SAMSN1: variants seen among roughly 807,000 people sequenced by gnomAD.
SAMSN1 encodes the protein SAM domain-containing protein SAMSN-1.
SAMSN1 carries 31 observed loss-of-function variants against 42.0 expected under a neutral mutation model. The observed-to-expected ratio is 0.74, with a 90% CI of 0.55 to 1.00. The LOEUF is 1.00. SAMSN1 is among the 50% of genes least tolerant of loss of function. SAMSN1 has a pLI of 0.00. For missense variants in SAMSN1, 464 were observed against 439.4 expected, an observed-to-expected ratio of 1.06 and a Z score of -0.50; for synonymous variants, 178 against 151.9, an observed-to-expected ratio of 1.17 and a Z score of -1.26.
At chr21:14,656,510 G>A (rs1983919469) in intron 1 of SAMSN1, among the ~76,000 whole-genome samples, 1 of 151,678 alleles carries the variant, frequency 6.6e-6, no homozygotes, top group South Asian at 2.1e-4. Flanking sequence ...AGCTCAACAA[G>A]AAAAATCACT....
At position 14,609,444 on chromosome 21, in the gene SAMSN1, G is replaced by C. The variant is rs908829198; in HGVS notation, c.322+38C>G. ...TTACCTGCCCTTTAAACTACTTTGG[G>C]AAAATGCAAAGTCAGCTGAACTAAA... On this transcript the variant is annotated intron_variant, in intron 5 of 15. Coordinates refer to the SAMSN1 transcript ENST00000647101. 7.0e-6 allele frequency: 5 copies of C among 716,866 alleles called. No homozygotes were observed. In the African/African-American group the frequency reaches 8.7e-5, roughly 13 times the overall value. The allele number at this position is 716,866 out of a possible 1,614,324, so 44.4% of individuals were successfully genotyped here.
At position 14,510,292 on chromosome 21, in the gene SAMSN1, G is replaced by A. The variant is rs766545727; in HGVS notation, c.561+18C>T. 248 of 1,612,692 alleles carry A rather than the reference G, an allele frequency of 1.5e-4. No homozygotes were observed. Among genetic ancestry groups the A allele is most frequent in the Non-Finnish European group, 2.0e-4 (234 of 1,178,822 alleles). ...ATTTGACAGACCATTCAGAAGGTGG[G>A]ATATGATGTCCTCTCACCTTGATTT... On this transcript the variant is annotated intron_variant, in intron 5 of 7. Coordinates refer to ENST00000400566, the MANE Select transcript of SAMSN1 (RefSeq NM_022136.5).
At chr21:14,658,529 T>TAAA (rs1983950907) in intron 1 of SAMSN1, among the ~76,000 whole-genome samples, 1 of 151,942 alleles carries the variant, frequency 6.6e-6, no homozygotes, top group African/African-American at 2.4e-5. Flanking sequence ...ATAATAGTAA[T>TAAA]TGTTGCAGAA....
rs368404913 is a variant in SAMSN1, at chr21:14,602,362, C to A, written c.323-263G>T. On this transcript the variant is annotated intron_variant, in intron 5 of 15. Coordinates refer to the SAMSN1 transcript ENST00000647101. ...GAAGTGATGGAAATTCACTGTGACT[C>A]CCTTTCTTGGTAATAATAGGATTGT... 7.6e-4 allele frequency among the ~76,000 whole-genome samples: 116 copies of A among 152,168 alleles called. 1 individual carries two copies. In the South Asian group the frequency reaches 8.3e-3, roughly 11 times the overall value.
intron 7 of SAMSN1, among the ~76,000 whole-genome samples, chr21:14,497,568 G>A (rs1600861429): frequency 6.6e-6 from 1 of 152,198 alleles, no homozygotes; most frequent in Non-Finnish European, 1.5e-5. Flanking sequence ...CTCCACCCGG[G>A]ACAGCAGATT....
intron 2 of SAMSN1, among the ~76,000 whole-genome samples, chr21:14,517,613 A>C (rs1195172175): frequency 6.6e-6 from 1 of 152,148 alleles, no homozygotes; most frequent in African/African-American, 2.4e-5. Flanking sequence ...AGCAATAGTA[A>C]ATATGAACTA....
intron 7 of SAMSN1, chr21:14,496,380 T>C (rs1211336849): frequency 6.6e-6 from 1 of 152,216 alleles, no homozygotes; most frequent in African/African-American, 2.4e-5. Flanking sequence ...CATCTGCAAA[T>C]TGGGCAAAAT....
intron 4 of SAMSN1, chr21:14,612,491 T>A: frequency 2.8e-6 from 1 of 355,196 alleles, no homozygotes; most frequent in Non-Finnish European, 5.8e-6. Flanking sequence ...TAGAAGAGAC[T>A]TTTATAATGA....
chr21:14,512,621 G>A, intron 3 of SAMSN1, 48 bp from the exon 4 acceptor site: 1 of 1,582,192 alleles, frequency 6.3e-7, no homozygotes, highest in Non-Finnish European at 8.7e-7. Context: ...GATTTCCACA[G>A]AGATGTACAT....
intron 1 of SAMSN1, among the ~76,000 whole-genome samples, chr21:14,526,740 C>A (rs1025111940): frequency 6.6e-5 from 10 of 152,150 alleles, no homozygotes; most frequent in Non-Finnish European, 1.2e-4. Flanking sequence ...AAGAGGCTTG[C>A]TTTCTGAGCA....
intron 1 of SAMSN1, among the ~76,000 whole-genome samples, chr21:14,524,481 G>A (rs1290910245): frequency 6.6e-6 from 1 of 152,134 alleles, no homozygotes; most frequent in Admixed American, 6.5e-5. Context: ...CTACACGAAT[G>A]TTTCCAGTCT....
intron 1 of SAMSN1, among the ~76,000 whole-genome samples, chr21:14,540,323 A>T (rs1600913645): frequency 6.6e-6 from 1 of 152,362 alleles, no homozygotes; most frequent in East Asian, 1.9e-4. Flanking sequence ...GCTTCTGCAC[A>T]GCAAAAGAAA....
intron 5 of SAMSN1, among the ~76,000 whole-genome samples, chr21:14,605,905 G>A (rs936514904): frequency 4.6e-5 from 7 of 151,304 alleles, no homozygotes; most frequent in African/African-American, 7.3e-5. Context: ...GCAGTGGCGC[G>A]ATCTGGGTTC....
intron 6 of SAMSN1, among the ~76,000 whole-genome samples, chr21:14,498,867 G>T (rs1987018572): frequency 6.6e-6 from 1 of 152,168 alleles, no homozygotes; most frequent in Non-Finnish European, 1.5e-5. Context: ...TAAATAGTTG[G>T]ATCATGCATC....
At chr21:14,632,828 C>T (rs1983366306) in intron 2 of SAMSN1, among the ~76,000 whole-genome samples, 1 of 152,142 alleles carries the variant, frequency 6.6e-6, no homozygotes. Flanking sequence ...CATTCAATTT[C>T]CTGAAGGCTG....
intron 1 of SAMSN1, among the ~76,000 whole-genome samples, chr21:14,524,518 G>T (rs1978709522): frequency 1.3e-5 from 2 of 152,062 alleles, no homozygotes; most frequent in South Asian, 4.1e-4. Context: ...AAATGCATTT[G>T]TAAAATGGCA....
chr21:14,577,284 A>ATATATATATTT (rs1460040142), intron 2 of SAMSN1, among the ~76,000 whole-genome samples: 1 of 53,854 alleles, frequency 1.9e-5, no homozygotes. Flanking sequence ...ATATATATAT[A>ATATATATATTT]TTTTTTTTTT....
At chr21:14,534,660 T>C (rs1286041993) in intron 1 of SAMSN1, among the ~76,000 whole-genome samples, 1 of 151,794 alleles carries the variant, frequency 6.6e-6, no homozygotes. Flanking sequence ...GGATTACAGG[T>C]GCCCGCCACC....
intron 2 of SAMSN1, among the ~76,000 whole-genome samples, chr21:14,563,974 A>C (rs1377315916): frequency 2.0e-5 from 3 of 152,168 alleles, no homozygotes; most frequent in Non-Finnish European, 4.4e-5. Context: ...GGGGTGGCCA[A>C]GTTGGGTATA....
Sources: gnomAD v4.1 joint callset for allele counts (sites outside exome capture counted in the v4.1 genomes callset) on GRCh38, gnomAD v4.1.1 for gene constraint, MANE v1.5 for transcripts, NCBI Gene and HGNC (gene_info 2026-07-23, HGNC 2026-07-21) for gene names.